CNTNAP2: variants seen among roughly 807,000 people sequenced by gnomAD.
CNTNAP2 encodes contactin associated protein 2, also known as contactin-associated protein-like 2.
A neutral mutation model predicts 155.2 loss-of-function variants in CNTNAP2; 98 were observed. The observed-to-expected ratio is 0.63, with a 90% CI of 0.54 to 0.75. The LOEUF (loss-of-function observed/expected upper bound fraction) is 0.75. Among genes scored for constraint, CNTNAP2 ranks in the 30% least tolerant of loss-of-function variants. The pLI is 0.00. For synonymous variants in CNTNAP2, 651 were observed against 631.2 expected, an observed-to-expected ratio of 1.03 and a Z score of -0.47; for missense variants, 1,727 against 1,688.1, an observed-to-expected ratio of 1.02 and a Z score of -0.40.
chr7:148,381,602 G>C (rs1401996713), intron 21 of CNTNAP2: 1 of 152,248 alleles, frequency 6.6e-6, no homozygotes, highest in African/African-American at 2.4e-5. Context: ...AGCTGAGTAT[G>C]GGGTTTTTAT....
chr7:148,299,405 G>T (rs1407746177), intron 21 of CNTNAP2, among the ~76,000 whole-genome samples: 1 of 152,220 alleles, frequency 6.6e-6, no homozygotes, highest in Non-Finnish European at 1.5e-5. Flanking sequence ...AGGGCATTTC[G>T]CCTGGACCAG....
At chr7:147,828,727 T>G (rs1288369644) in intron 13 of CNTNAP2, among the ~76,000 whole-genome samples, 5 of 152,220 alleles carry the variant, frequency 3.3e-5, no homozygotes, top group Non-Finnish European at 7.3e-5. Context: ...CTCAAGTGAA[T>G]GCAGTCTAGT....
chr7:146,132,114 T>C (rs1015082046), intron 1 of CNTNAP2, among the ~76,000 whole-genome samples: 3 of 152,208 alleles, frequency 2.0e-5, no homozygotes, highest in Non-Finnish European at 4.4e-5. Context: ...AATAAACTCA[T>C]GCAGTATCTG....
intron 18 of CNTNAP2, among the ~76,000 whole-genome samples, chr7:148,213,878 A>C (rs3923876): frequency 6.6e-6 from 1 of 151,892 alleles, no homozygotes; most frequent in Non-Finnish European, 1.5e-5. Flanking sequence ...CCCAACACCC[A>C]GCTGAAATGT....
chr7:146,307,461 C>G (rs190725075), intron 1 of CNTNAP2, among the ~76,000 whole-genome samples: 32 of 152,238 alleles, frequency 2.1e-4, no homozygotes, highest in African/African-American at 6.7e-4. Context: ...ACTTTCTTCA[C>G]AGAACTTGAA....
chr7:146,362,361 G>A (rs1024188517), intron 1 of CNTNAP2, among the ~76,000 whole-genome samples: 1 of 152,136 alleles, frequency 6.6e-6, no homozygotes, highest in African/African-American at 2.4e-5. Context: ...AAGGTATGAG[G>A]TCCAAGGTAG....
intron 21 of CNTNAP2, among the ~76,000 whole-genome samples, chr7:148,360,268 T>C (rs1798593528): frequency 6.6e-6 from 1 of 152,010 alleles, no homozygotes; most frequent in African/African-American, 2.4e-5. Context: ...TGCAAACTCT[T>C]TAGGGAAAGG....
intron 3 of CNTNAP2, among the ~76,000 whole-genome samples, chr7:146,986,777 A>AT (rs1283486440): frequency 6.6e-6 from 1 of 151,838 alleles, no homozygotes; most frequent in Non-Finnish European, 1.5e-5. Context: ...GATGTTGAGC[A>AT]TTTTTTCATA....
intron 17 of CNTNAP2, among the ~76,000 whole-genome samples, chr7:148,160,853 T>G (rs1805519897): frequency 6.6e-6 from 1 of 152,234 alleles, no homozygotes; most frequent in South Asian, 2.1e-4. Context: ...ATACCAGATA[T>G]TTCTTCAGAT....
At chr7:148,323,294 C>CTT (rs60109355) in intron 21 of CNTNAP2, among the ~76,000 whole-genome samples, 1 of 49,466 alleles carries the variant, frequency 2.0e-5, no homozygotes, top group Non-Finnish European at 3.4e-5. Context: ...TTATGGATTT[C>CTT]TTTTTTTTTT....
intron 13 of CNTNAP2, among the ~76,000 whole-genome samples, chr7:147,753,195 A>C (rs1797165205): frequency 6.6e-6 from 1 of 152,222 alleles, no homozygotes; most frequent in African/African-American, 2.4e-5. Context: ...CCATCAGAGA[A>C]GAAGACTGGC....
intron 3 of CNTNAP2, among the ~76,000 whole-genome samples, chr7:146,843,488 A>C (rs902645643): frequency 6.6e-6 from 1 of 152,048 alleles, no homozygotes; most frequent in African/African-American, 2.4e-5. Context: ...ACCATATCAG[A>C]GACACAATCT....
At chr7:146,557,928 C>A (rs1269444911) in intron 1 of CNTNAP2, among the ~76,000 whole-genome samples, 1 of 152,152 alleles carries the variant, frequency 6.6e-6, no homozygotes, top group African/African-American at 2.4e-5. Flanking sequence ...AAAAACACAA[C>A]AATCAAATTC....
chr7:146,885,190 G>A (rs901575594), intron 3 of CNTNAP2, among the ~76,000 whole-genome samples: 1 of 152,078 alleles, frequency 6.6e-6, no homozygotes, highest in Non-Finnish European at 1.5e-5. Flanking sequence ...ATTATAATTT[G>A]CTTCCGAAAT....
At chr7:147,368,482 C>G (rs1044098745) in intron 9 of CNTNAP2, among the ~76,000 whole-genome samples, 2 of 152,066 alleles carry the variant, frequency 1.3e-5, no homozygotes, top group African/African-American at 4.8e-5. Flanking sequence ...TATTTTGAGG[C>G]ATTTCAATGA....
In CNTNAP2 at chr7:146,280,006, G is replaced by C. The variant is rs1800225342; in HGVS notation, c.97+163033G>C. ...TATAATTATGTTATAAATGTTAAAA[G>C]TTTAAACTAGATTGAAGTAACTATA... On this transcript the variant is annotated intron_variant, in intron 1 of 23. Transcript: ENST00000361727. Among the ~76,000 whole-genome samples the C allele has an allele frequency of 2.0e-5, 3 of 152,016 alleles. No individual in the cohort carries two copies. In the South Asian group the frequency reaches 6.2e-4, roughly 31 times the overall value.
intron 14 of CNTNAP2, among the ~76,000 whole-genome samples, chr7:147,972,761 T>C (rs1395635608): frequency 1.3e-5 from 2 of 152,104 alleles, no homozygotes; most frequent in Admixed American, 6.6e-5. Flanking sequence ...ACTGAATATC[T>C]CCCTAAATTA....
intron 9 of CNTNAP2, among the ~76,000 whole-genome samples, chr7:147,317,639 C>T (rs538339888): frequency 6.6e-6 from 1 of 152,026 alleles, no homozygotes; most frequent in Non-Finnish European, 1.5e-5. Context: ...TTGTCTCAGC[C>T]CCTGGCTAAG....
chr7:147,816,436 GA>G (rs112275689), intron 13 of CNTNAP2, among the ~76,000 whole-genome samples: 18,065 of 152,032 alleles, frequency 0.12, 1,258 homozygotes, highest in South Asian at 0.25. Context: ...CTGATATGAT[GA>G]AAAAAATGAC....
Sources: allele counts gnomAD v4.1 joint callset (sites outside exome capture counted in the v4.1 genomes callset), GRCh38; gene constraint gnomAD v4.1.1; transcripts MANE v1.5; gene names NCBI Gene and HGNC (gene_info 2026-07-23, HGNC 2026-07-21).